Variants in STRN observed in about 807,000 individuals in gnomAD.
The protein encoded by STRN is protein phosphatase 2 regulatory subunit B'''alpha.
A neutral mutation model predicts 96.3 loss-of-function variants in STRN; 53 were observed. The ratio of observed to expected loss-of-function variants is 0.55; its 90% confidence interval spans 0.44 to 0.69. STRN has a LOEUF of 0.69. Among genes scored for constraint, STRN ranks in the 30% least tolerant of loss-of-function variants. STRN has a pLI of 0.00. For synonymous variants in STRN, 428 were observed against 355.9 expected (o/e 1.20, Z -2.28); for missense variants, 987 against 963.9 (o/e 1.02, Z -0.32).
chr2:36,927,561 G>A (rs1483176927), intron 1 of STRN, among the ~76,000 whole-genome samples: 1 of 148,592 alleles, frequency 6.7e-6, no homozygotes, highest in East Asian at 2.0e-4. Context: ...AGGCATGGTA[G>A]CTAATACCTG....
At chr2:36,966,012 T>C (rs919288434) in intron 1 of STRN, among the ~76,000 whole-genome samples, 1 of 147,754 alleles carries the variant, frequency 6.8e-6, no homozygotes, top group Non-Finnish European at 1.5e-5. Context: ...GTGGGGAGGG[T>C]AAACAACGCA....
chr2:36,899,922 C>G (rs1034410717), intron 5 of STRN, among the ~76,000 whole-genome samples: 1 of 152,176 alleles, frequency 6.6e-6, no homozygotes, highest in Admixed American at 6.5e-5. Flanking sequence ...AGTCTCCGGG[C>G]TCTGTCACCC....
chr2:36,887,266 AAAATAAATAAATAAAT>A (rs34577574), intron 7 of STRN, among the ~76,000 whole-genome samples: 54 of 136,472 alleles, frequency 4.0e-4, no homozygotes, highest in South Asian at 7.3e-4. Flanking sequence ...CATTTCTAGT[AAAATAAATAAATAAAT>A]AAATAAATAA....
rs1384333014 is a variant in STRN at position 36,839,297 on chromosome 2, CTGGAATG to C, written c.*10152_*10158del. On this transcript the variant is annotated 3_prime_UTR_variant, in exon 18 of 18. Coordinates refer to ENST00000263918, the MANE Select transcript of STRN (RefSeq NM_003162.4). ...CCTATATTTTCACTTGTTCCCCCAC[CTGGAATG>C]TGCTGCATCAGGTGAAGTTTTTGTT... Among the ~76,000 whole-genome samples, 1 of 152,114 alleles carries C rather than the reference CTGGAATG, an allele frequency of 6.6e-6. No homozygotes were observed. The highest frequency in any genetic ancestry group is 1.5e-5 in the Non-Finnish European group (1 of 68,030).
At chr2:36,878,800 T>C (rs559741908) in intron 9 of STRN, among the ~76,000 whole-genome samples, 1 of 152,164 alleles carries the variant, frequency 6.6e-6, no homozygotes, top group East Asian at 1.9e-4. Flanking sequence ...TCACCCAGGC[T>C]GGAGTGCAGT....
chr2:36,932,772 A>T (rs1369184478), intron 1 of STRN, among the ~76,000 whole-genome samples: 1 of 152,082 alleles, frequency 6.6e-6, no homozygotes, highest in Non-Finnish European at 1.5e-5. Context: ...TTTCAAAAGC[A>T]ATCTCTCCAT....
intron 2 of STRN, among the ~76,000 whole-genome samples, chr2:36,916,923 T>C (rs1227073877): frequency 6.6e-6 from 1 of 152,082 alleles, no homozygotes; most frequent in Non-Finnish European, 1.5e-5. Context: ...AAAATAGCCA[T>C]ATCTGCTTAA....
At position 36,917,069 on chromosome 2, in the gene STRN, T is replaced by TAA. The variant is rs989265988; in HGVS notation, c.339-920_339-919dup. Among the ~76,000 whole-genome samples, 693 of 132,518 alleles carry TAA rather than the reference T, an allele frequency of 5.2e-3. 2 individuals are homozygous for TAA. The highest frequency in any genetic ancestry group is 0.018 in the African/African-American group (643 of 35,414). 86.9% of individuals were successfully genotyped at this position (132,518 alleles called of 152,430 possible). A position where few individuals can be genotyped will look rare whatever the true frequency, so the allele number is the denominator to read the frequency against. Reference sequence around the variant, plus strand: ...TAAAAAAATAAAAAATAAAAATAAATAAAAAAAAAAGACTGGGACATTAAT... The same window carrying TAA: ...TAAAAAAATAAAAAATAAAAATAAATAAAAAAAAAAAAGACTGGGACATTAAT... On this transcript the variant is annotated intron_variant, in intron 2 of 17. Transcript: ENST00000263918.
intron 4 of STRN, among the ~76,000 whole-genome samples, chr2:36,903,512 A>G (rs1361688279): frequency 2.0e-5 from 3 of 152,212 alleles, no homozygotes; most frequent in African/African-American, 7.2e-5. Flanking sequence ...AGAACAGACC[A>G]AAAGTGGCAG....
intron 16 of STRN, 89 bp from the exon 17 acceptor site, chr2:36,849,889 C>G: frequency 7.9e-7 from 1 of 1,264,316 alleles, no homozygotes; most frequent in Non-Finnish European, 1.1e-6. Flanking sequence ...TTTCTCCAGT[C>G]ATCCCTCTCT....
chr2:36,854,201 T>C (rs1213638508), intron 15 of STRN, among the ~76,000 whole-genome samples: 3 of 151,010 alleles, frequency 2.0e-5, no homozygotes, highest in Non-Finnish European at 4.4e-5. Context: ...TTCATATTAG[T>C]TTTTTATTTT....
rs1360345392 is a variant in STRN at position 36,841,038 on chromosome 2, C to G, written c.*8418G>C. The G allele has an allele frequency of 1.3e-5, 2 of 152,142 alleles. No homozygotes were observed. The highest frequency in any genetic ancestry group is 2.9e-5 in the Non-Finnish European group (2 of 68,014). 9.4% of individuals were successfully genotyped at this position (152,142 alleles called of 1,614,324 possible). A position where few individuals can be genotyped will look rare whatever the true frequency, so the allele number is the denominator to read the frequency against. ...GCACAAAATTGCCTGGAACTACAACCTTCAAGTTCAAAATTTCTACCTCCA... is the reference window on the plus strand; with the variant it reads ...GCACAAAATTGCCTGGAACTACAACGTTCAAGTTCAAAATTTCTACCTCCA... On this transcript the variant is annotated 3_prime_UTR_variant, in exon 18 of 18. Coordinates refer to ENST00000263918, the MANE Select transcript of STRN (RefSeq NM_003162.4).
At chr2:36,957,477 A>G (rs937692540) in intron 1 of STRN, among the ~76,000 whole-genome samples, 1 of 151,818 alleles carries the variant, frequency 6.6e-6, no homozygotes, top group Non-Finnish European at 1.5e-5. Context: ...AGTCCCAGCC[A>G]CTCCGGAGGC....
rs1270722140 is a variant in STRN at position 36,884,047 on chromosome 2, C to T, written c.1071G>A (p.Met357Ile). 1 of 1,375,880 alleles carries T rather than the reference C, an allele frequency of 7.3e-7. No homozygotes were observed. Among genetic ancestry groups the T allele is most frequent in the Non-Finnish European group, 9.5e-7 (1 of 1,054,748 alleles). The allele number at this position is 1,375,880 out of a possible 1,614,324, so 85.2% of individuals were successfully genotyped here. A position where few individuals can be genotyped will look rare whatever the true frequency, so the allele number is the denominator to read the frequency against. Reference sequence around the variant, plus strand: ...CATCAACATCTCTCAAATTAGCAAGCATATCTTGTAGTTTTGACCTATTGG... The same window carrying T: ...CATCAACATCTCTCAAATTAGCAAGTATATCTTGTAGTTTTGACCTATTGG... The part of the protein sequence containing the change: ...KRPNRSKLQD[M>I]LANLRDVDEL... The change falls in exon 9 of 18, where the codon ATG becomes ATA. Residue 357 changes from methionine to isoleucine, a missense_variant. Transcript: ENST00000263918.
At position 36,876,229 on chromosome 2, in the gene STRN, C is replaced by T. The variant is rs545995576; in HGVS notation, c.1323+1662G>A. Among the ~76,000 whole-genome samples, 50 of 150,650 alleles carry T rather than the reference C, an allele frequency of 3.3e-4. 1 individual carries two copies. In the South Asian group the frequency reaches 8.8e-3, roughly 26 times the overall value. ...GAGGGTGCAGTGAGCTGAGATCAAG[C>T]CACTGCACTCCAGCCTGGGTGACCG... On this transcript the variant is annotated intron_variant, in intron 10 of 17. Coordinates refer to ENST00000263918, the MANE Select transcript of STRN (RefSeq NM_003162.4).
chr2:36,929,624 C>T (rs1670518653), intron 1 of STRN, among the ~76,000 whole-genome samples: 1 of 152,134 alleles, frequency 6.6e-6, no homozygotes, highest in East Asian at 1.9e-4. Context: ...ACCTCGTGAT[C>T]CACCCACCTC....
intron 3 of STRN, among the ~76,000 whole-genome samples, chr2:36,907,570 A>G (rs1669857011): frequency 6.6e-6 from 1 of 152,162 alleles, no homozygotes; most frequent in South Asian, 2.1e-4. Context: ...AAAGAAATTA[A>G]GTATTTACTA....
intron 1 of STRN, among the ~76,000 whole-genome samples, chr2:36,938,959 AGT>A (rs1670773374): frequency 6.6e-6 from 1 of 152,076 alleles, no homozygotes; most frequent in African/African-American, 2.4e-5. Context: ...TCATTTTCTA[AGT>A]GTGTCAAGTT....
chr2:36,914,951 C>T (rs1465601293), intron 3 of STRN, among the ~76,000 whole-genome samples: 1 of 151,884 alleles, frequency 6.6e-6, no homozygotes, highest in African/African-American at 2.4e-5. Context: ...AATCCCAGCA[C>T]TTTGGGAGGC....
Sources: gnomAD v4.1 joint callset for allele counts (sites outside exome capture counted in the v4.1 genomes callset) on GRCh38, gnomAD v4.1.1 for gene constraint, MANE v1.5 for transcripts, NCBI Gene and HGNC (gene_info 2026-07-23, HGNC 2026-07-21) for gene names.